Variants in GTF2H1 observed in about 807,000 individuals in gnomAD.
GTF2H1 encodes the protein general transcription factor IIH subunit 1.
GTF2H1 carries 16 observed loss-of-function variants against 71.2 expected under a neutral mutation model. The ratio of observed to expected loss-of-function variants is 0.22; its 90% confidence interval spans 0.15 to 0.34. GTF2H1 has a LOEUF of 0.34. GTF2H1 is among the 10% of genes least tolerant of loss of function. The pLI, the probability that GTF2H1 is intolerant of heterozygous loss-of-function variation, is 1.00. For synonymous variants in GTF2H1, 215 were observed against 219.0 expected (o/e 0.98, Z 0.16); for missense variants, 498 against 648.2 (o/e 0.77, Z 2.52).
intron 6 of GTF2H1, 45 bp from the exon 7 acceptor site, chr11:18,341,483 A>T: frequency 6.2e-7 from 1 of 1,600,020 alleles, no homozygotes; most frequent in Non-Finnish European, 8.5e-7. Context: ...TTAATTTCTG[A>T]GACAGATAAG....
chr11:18,359,610 A>G (rs868486561), intron 13 of GTF2H1, among the ~76,000 whole-genome samples: 3 of 152,320 alleles, frequency 2.0e-5, no homozygotes, highest in East Asian at 1.9e-4. Flanking sequence ...GAGATGGTCT[A>G]CCACTCTCTA....
intron 7 of GTF2H1, among the ~76,000 whole-genome samples, chr11:18,346,748 T>TTC (rs1210033965): frequency 7.3e-6 from 1 of 137,680 alleles, no homozygotes; most frequent in Non-Finnish European, 1.6e-5. Flanking sequence ...TTTTTTTTTT[T>TTC]TTTTTTTGAG....
chr11:18,342,825 C>G (rs1011343056), intron 7 of GTF2H1, among the ~76,000 whole-genome samples: 14 of 152,094 alleles, frequency 9.2e-5, no homozygotes, highest in Non-Finnish European at 1.8e-4. Context: ...TATAAACCAT[C>G]CCATAGTTTA....
chr11:18,338,436 A>T (rs1202953894), intron 4 of GTF2H1, among the ~76,000 whole-genome samples, 162 bp downstream of exon 4: 1 of 151,088 alleles, frequency 6.6e-6, no homozygotes, highest in Non-Finnish European at 1.5e-5. Flanking sequence ...TATTATTATT[A>T]TGTTTGTTTG....
At chr11:18,358,945 T>C (rs1865633865) in intron 13 of GTF2H1, among the ~76,000 whole-genome samples, 1 of 152,242 alleles carries the variant, frequency 6.6e-6, no homozygotes, top group African/African-American at 2.4e-5. Context: ...GTTATTTATA[T>C]TTGATACGTT....
intron 12 of GTF2H1, 86 bp downstream of exon 12, chr11:18,358,128 T>C: frequency 1.2e-6 from 1 of 851,592 alleles, no homozygotes; most frequent in Non-Finnish European, 1.9e-6. Context: ...TTTATTGGTT[T>C]TTCCTTGGAA....
intron 9 of GTF2H1, chr11:18,348,401 C>T (rs1865348954): frequency 1.2e-5 from 2 of 172,270 alleles, no homozygotes; most frequent in Admixed American, 6.3e-5. Flanking sequence ...GAATTAGCTG[C>T]TTGTGTATTT....
At position 18,354,331 on chromosome 11, in the gene GTF2H1, G is replaced by T. The variant is rs190893014; in HGVS notation, c.1260+1885G>T. Among the ~76,000 whole-genome samples the T allele has an allele frequency of 2.0e-3, 302 of 152,306 alleles. 2 individuals are homozygous for T. Among genetic ancestry groups the T allele is most frequent in the African/African-American group, 7.0e-3 (292 of 41,584 alleles). The stretch of plus-strand genomic sequence containing the variant: ...ATTTGCCTGGTTTCTCCACCAAAAA[G>T]TTAACTATTTTTCCCTTTGTAATTA... On this transcript the variant is annotated intron_variant, in intron 11 of 14. Transcript: ENST00000265963.
intron 14 of GTF2H1, among the ~76,000 whole-genome samples, chr11:18,363,194 G>T (rs964869873): frequency 1.3e-5 from 2 of 152,038 alleles, no homozygotes; most frequent in African/African-American, 4.8e-5. Context: ...AAGGACCTGC[G>T]TACGGCTATT....
chr11:18,359,793 C>T (rs940665318), intron 13 of GTF2H1, among the ~76,000 whole-genome samples: 1 of 151,746 alleles, frequency 6.6e-6, no homozygotes, highest in Non-Finnish European at 1.5e-5. Flanking sequence ...TCACTGCAGC[C>T]GCTACCTTCT....
intron 3 of GTF2H1, among the ~76,000 whole-genome samples, chr11:18,337,125 C>G (rs1173916862): frequency 6.6e-6 from 1 of 152,118 alleles, no homozygotes; most frequent in Non-Finnish European, 1.5e-5. Flanking sequence ...ATGCTTAGCG[C>G]CATGAAAAAT....
intron 11 of GTF2H1, among the ~76,000 whole-genome samples, chr11:18,356,837 T>C (rs1865562929): frequency 6.8e-6 from 1 of 148,022 alleles, no homozygotes; most frequent in Admixed American, 6.9e-5. Context: ...TTGCCCAGGC[T>C]GGAGTGCAGT....
rs186157351 is a variant in GTF2H1 at position 18,362,956 on chromosome 11, A to G, written c.1560+2249A>G. Among the ~76,000 whole-genome samples the G allele has an allele frequency of 1.7e-3, 260 of 152,014 alleles. 3 individuals carry two copies. In the East Asian group the frequency reaches 0.019, roughly 11 times the overall value. ...AGTGCTGGGATTACAGGCGTGAGCCACCACGCCTGGTGCCTTTTTTCTATT... is the reference window on the plus strand; with the variant it reads ...AGTGCTGGGATTACAGGCGTGAGCCGCCACGCCTGGTGCCTTTTTTCTATT... On this transcript the variant is annotated intron_variant, in intron 14 of 14. Transcript: ENST00000265963.
intron 14 of GTF2H1, among the ~76,000 whole-genome samples, chr11:18,362,190 A>G (rs1865718414): frequency 6.6e-6 from 1 of 152,212 alleles, no homozygotes; most frequent in South Asian, 2.1e-4. Context: ...TAAATACTGT[A>G]AACAGTTTTA....
intron 1 of GTF2H1, among the ~76,000 whole-genome samples, chr11:18,330,101 C>T (rs1864860276): frequency 6.6e-6 from 1 of 152,218 alleles, no homozygotes; most frequent in Non-Finnish European, 1.5e-5. Context: ...ACGCATCGAA[C>T]AGAATGCCTA....
At chr11:18,356,409 A>G (rs926116444) in intron 11 of GTF2H1, among the ~76,000 whole-genome samples, 4 of 151,510 alleles carry the variant, frequency 2.6e-5, no homozygotes, top group Non-Finnish European at 5.9e-5. Flanking sequence ...TCTGGGCACT[A>G]GGTATACATT....
intron 13 of GTF2H1, 70 bp downstream of exon 13, chr11:18,358,710 GTT>G: frequency 1.1e-6 from 1 of 874,144 alleles, no homozygotes; most frequent in East Asian, 2.4e-5. Flanking sequence ...AAATTGGAAA[GTT>G]TTATTGAGTC....
Position 18,347,723 on chromosome 11 carries a change from A to G in GTF2H1, c.965+8A>G, listed in dbSNP as rs373399494. On this transcript the variant is annotated splice_region_variant and intron_variant, in intron 8 of 14. Transcript: ENST00000265963. Reference sequence around the variant, plus strand: ...AGCTGGACTCAGAAAACAGTTAAGTATAAATGCAGAGGTGCAGTAACTGGG... The same window carrying G: ...AGCTGGACTCAGAAAACAGTTAAGTGTAAATGCAGAGGTGCAGTAACTGGG... 1.2e-5 allele frequency: 19 copies of G among 1,612,702 alleles called. No homozygotes were observed. The Admixed American group carries it at 2.3e-4, about 20-fold the overall frequency.
At chr11:18,334,071 A>G (rs1386086052) in intron 2 of GTF2H1, among the ~76,000 whole-genome samples, 1 of 152,146 alleles carries the variant, frequency 6.6e-6, no homozygotes, top group Admixed American at 6.5e-5. Flanking sequence ...GTGGAACCCC[A>G]TTTCTACTAA....
Sources: gnomAD v4.1 joint callset for allele counts (sites outside exome capture counted in the v4.1 genomes callset) on GRCh38, gnomAD v4.1.1 for gene constraint, MANE v1.5 for transcripts, NCBI Gene and HGNC (gene_info 2026-07-23, HGNC 2026-07-21) for gene names.